STPG2: variants seen among roughly 807,000 people sequenced by gnomAD.
STPG2 encodes sperm-tail PG-rich repeat-containing protein 2.
STPG2 carries 56 observed loss-of-function variants against 54.2 expected under a neutral mutation model. The ratio of observed to expected loss-of-function variants is 1.03; its 90% CI spans 0.83 to 1.29. The LOEUF (loss-of-function observed/expected upper bound fraction) is 1.29, where lower values mean the gene tolerates loss of function less well. Ranked by LOEUF, STPG2 falls within the 50% of genes most tolerant of loss-of-function variation. The pLI, the probability that STPG2 is intolerant of heterozygous loss-of-function variation, is 0.00. For synonymous variants in STPG2, 200 were observed against 181.8 expected, an observed-to-expected ratio of 1.10 and a Z score of -0.81; for missense variants, 596 against 544.9, an observed-to-expected ratio of 1.09 and a Z score of -0.93.
intron 5 of STPG2, among the ~76,000 whole-genome samples, chr4:98,023,516 G>T (rs1263620716): frequency 2.0e-5 from 3 of 152,226 alleles, no homozygotes; most frequent in Non-Finnish European, 4.4e-5. Flanking sequence ...CCCGTTCTCA[G>T]ATCTCCAGCT....
At chr4:97,625,431 T>A (rs1364890550) in intron 10 of STPG2, among the ~76,000 whole-genome samples, 3 of 152,152 alleles carry the variant, frequency 2.0e-5, no homozygotes. Context: ...TGCCTCAGCC[T>A]CCCGAGTAGC....
chr4:97,988,136 C>G (rs558026286), intron 5 of STPG2, among the ~76,000 whole-genome samples: 34 of 152,076 alleles, frequency 2.2e-4, no homozygotes, highest in African/African-American at 8.2e-4. Flanking sequence ...CTTCCTCAAA[C>G]AGATCAGGCA....
chr4:98,142,716 G>C (rs1740332817), intron 1 of STPG2, among the ~76,000 whole-genome samples: 1 of 143,200 alleles, frequency 7.0e-6, no homozygotes. Flanking sequence ...AAGGGCACAG[G>C]ATTTGGAGAC....
chr4:97,825,723 T>C (rs1319368654), intron 9 of STPG2, among the ~76,000 whole-genome samples: 1 of 152,148 alleles, frequency 6.6e-6, no homozygotes, highest in East Asian at 1.9e-4. Context: ...TTTATATATA[T>C]TGTGTATGTG....
At chr4:97,552,463 G>C (rs1731986211) in intron 4 of STPG2, among the ~76,000 whole-genome samples, 1 of 151,928 alleles carries the variant, frequency 6.6e-6, no homozygotes, top group Non-Finnish European at 1.5e-5. Context: ...TCTTTGCCAT[G>C]TTTTCATCAG....
intron 4 of STPG2, among the ~76,000 whole-genome samples, chr4:97,473,180 G>GA (rs1364948625): frequency 1.3e-5 from 2 of 152,040 alleles, no homozygotes; most frequent in African/African-American, 4.8e-5. Context: ...TGGGCACCTT[G>GA]AAAAAAGAAC....
intron 4 of STPG2, among the ~76,000 whole-genome samples, chr4:97,519,744 T>C (rs1253121607): frequency 6.6e-6 from 1 of 151,088 alleles, no homozygotes; most frequent in East Asian, 2.0e-4. Flanking sequence ...ACAACACTGG[T>C]GGGAACTAGA....
intron 5 of STPG2, among the ~76,000 whole-genome samples, chr4:98,044,134 GT>G (rs1406257106): frequency 6.6e-6 from 1 of 152,020 alleles, no homozygotes; most frequent in Admixed American, 6.6e-5. Context: ...ACATATATTT[GT>G]TATGTATATA....
chr4:97,936,638 G>A (rs1732755424), intron 8 of STPG2, among the ~76,000 whole-genome samples: 1 of 152,024 alleles, frequency 6.6e-6, no homozygotes, highest in African/African-American at 2.4e-5. Flanking sequence ...CACTTATAAG[G>A]CTTAGTTTGG....
chr4:97,786,831 T>C (rs1726840528), intron 9 of STPG2, among the ~76,000 whole-genome samples: 1 of 152,140 alleles, frequency 6.6e-6, no homozygotes, highest in African/African-American at 2.4e-5. Context: ...ATCTCAGTTA[T>C]CAAATTGACT....
At chr4:97,634,502 C>T (rs1328374548) in intron 10 of STPG2, among the ~76,000 whole-genome samples, 4 of 152,070 alleles carry the variant, frequency 2.6e-5, no homozygotes, top group Non-Finnish European at 4.4e-5. Flanking sequence ...ATGACTTTGA[C>T]GAGCTGAGAG....
chr4:97,636,774 C>T (rs1180206370), intron 10 of STPG2, among the ~76,000 whole-genome samples: 2 of 152,306 alleles, frequency 1.3e-5, no homozygotes, highest in Non-Finnish European at 2.9e-5. Flanking sequence ...TACATACACT[C>T]TCCCAAGACT....
intron 8 of STPG2, among the ~76,000 whole-genome samples, chr4:97,895,395 G>GA (rs1188229074): frequency 2.0e-5 from 3 of 151,740 alleles, no homozygotes; most frequent in Non-Finnish European, 4.4e-5. Context: ...CTATGCAACT[G>GA]AAAAAAGCAT....
chr4:97,614,698 C>G (rs1733815710), intron 10 of STPG2, among the ~76,000 whole-genome samples: 1 of 152,106 alleles, frequency 6.6e-6, no homozygotes, highest in Non-Finnish European at 1.5e-5. Context: ...AGTCATGTTT[C>G]ATCTCCTGTT....
intron 9 of STPG2, among the ~76,000 whole-genome samples, chr4:97,782,410 TG>T (rs1327260914): frequency 1.3e-5 from 2 of 152,084 alleles, no homozygotes; most frequent in Non-Finnish European, 2.9e-5. Flanking sequence ...TACAAACCAC[TG>T]CTCAACGAAA....
chr4:97,820,417 A>G (rs927906294), intron 9 of STPG2, among the ~76,000 whole-genome samples: 3 of 152,034 alleles, frequency 2.0e-5, no homozygotes, highest in African/African-American at 7.2e-5. Context: ...ATTAAAAGCT[A>G]TAAGTGATTA....
At chr4:97,898,587 T>G (rs1268265040) in intron 8 of STPG2, among the ~76,000 whole-genome samples, 1 of 151,700 alleles carries the variant, frequency 6.6e-6, no homozygotes, top group Non-Finnish European at 1.5e-5. Flanking sequence ...AGAAAACACT[T>G]CACAGTACCC....
At chr4:97,898,233 T>A (rs566807788) in intron 8 of STPG2, among the ~76,000 whole-genome samples, 1 of 152,140 alleles carries the variant, frequency 6.6e-6, no homozygotes, top group Non-Finnish European at 1.5e-5. Flanking sequence ...GACTTCTTTC[T>A]GGACTCTCTA....
At chr4:97,792,206 A>G (rs527700132) in intron 9 of STPG2, among the ~76,000 whole-genome samples, 1 of 152,330 alleles carries the variant, frequency 6.6e-6, no homozygotes, top group Admixed American at 6.5e-5. Context: ...AAAAAGCTAT[A>G]GTATATACTA....
Sources: allele counts gnomAD v4.1 joint callset (sites outside exome capture counted in the v4.1 genomes callset), GRCh38; gene constraint gnomAD v4.1.1; transcripts MANE v1.5; gene names NCBI Gene and HGNC (gene_info 2026-07-23, HGNC 2026-07-21).